The following CENPK variants were observed in gnomAD, a reference collection of about 807,000 sequenced individuals.
The protein encoded by CENPK is centromere protein K.
Under a neutral mutation model 40.9 loss-of-function variants are expected in CENPK, and 46 were observed. The observed-to-expected ratio is 1.13, with a 90% CI of 0.89 to 1.44. The LOEUF (loss-of-function observed/expected upper bound fraction) is 1.44, where lower values mean the gene tolerates loss of function less well. Among genes scored for constraint, CENPK ranks in the 40% most tolerant of loss-of-function variants. The probability of loss-of-function intolerance (pLI) is 0.00; values close to 1 mark genes in which losing one functional copy is unlikely to be tolerated. For synonymous variants in CENPK, 107 were observed against 104.4 expected, an observed-to-expected ratio of 1.02 and a Z score of -0.15; for missense variants, 288 against 303.5, an observed-to-expected ratio of 0.95 and a Z score of 0.38.
intron 5 of CENPK, among the ~76,000 whole-genome samples, chr5:65,547,350 AC>A (rs971965519): frequency 1.3e-5 from 2 of 149,932 alleles, no homozygotes; most frequent in Non-Finnish European, 3.0e-5. Flanking sequence ...CCGAGATTGC[AC>A]CACTGCACTC....
chr5:65,504,090 A>G, the CENPK span, among the ~76,000 whole-genome samples: 4 of 152,110 alleles, frequency 2.6e-5, no homozygotes, highest in Admixed American at 1.3e-4. Context: ...TCCACAGTCA[A>G]AGAACAACCA....
chr5:65,542,570 G>A (rs903484472), intron 6 of CENPK, among the ~76,000 whole-genome samples: 1 of 152,132 alleles, frequency 6.6e-6, no homozygotes, highest in Middle Eastern at 3.4e-3. Flanking sequence ...CTGGGAGGCA[G>A]AGGTTACAGT....
At chr5:65,514,242 TTTTTTTTTTTTTTTTTTTTAG>T (rs1164982553), downstream of CENPK, among the ~76,000 whole-genome samples, 94 of 11,828 alleles carry the variant, frequency 7.9e-3, no homozygotes, top group African/African-American at 0.019. Flanking sequence ...TTTTTTTTTT[TTTTTTTTTTTTTTTTTTTTAG>T]TTTTTTTTAG....
At chr5:65,514,662 G>A (rs565453179), downstream of CENPK, among the ~76,000 whole-genome samples, 4 of 152,256 alleles carry the variant, frequency 2.6e-5, no homozygotes, top group Non-Finnish European at 2.9e-5. Flanking sequence ...CTTTCTCTTT[G>A]AATGGTAGAA....
At chr5:65,508,552 A>T in the CENPK span, among the ~76,000 whole-genome samples, 1 of 152,234 alleles carries the variant, frequency 6.6e-6, no homozygotes, top group Non-Finnish European at 1.5e-5. Flanking sequence ...TGAGAGGCTG[A>T]GGCGGGTGGA....
At chr5:65,530,424 AG>A (rs1745576566) in intron 6 of CENPK, among the ~76,000 whole-genome samples, 4 of 152,236 alleles carry the variant, frequency 2.6e-5, no homozygotes, top group Admixed American at 2.6e-4. Flanking sequence ...AAGAAGACAA[AG>A]GAAAACATTA....
At chr5:65,536,935 T>G (rs545246305) in intron 6 of CENPK, among the ~76,000 whole-genome samples, 146 of 152,296 alleles carry the variant, frequency 9.6e-4, no homozygotes, top group African/African-American at 3.3e-3. Context: ...CCTCATGAAG[T>G]GATTAATGCC....
downstream of CENPK, among the ~76,000 whole-genome samples, chr5:65,513,971 T>G (rs1300898923): frequency 6.6e-6 from 1 of 152,204 alleles, no homozygotes; most frequent in Non-Finnish European, 1.5e-5. Context: ...TGTATTGATA[T>G]GATCATGACC....
At chr5:65,523,067 T>C (rs2150349132) in intron 9 of CENPK, among the ~76,000 whole-genome samples, 2 of 152,366 alleles carry the variant, frequency 1.3e-5, no homozygotes, top group African/African-American at 4.8e-5. Flanking sequence ...ATGTATGTAA[T>C]GTATTCTGTA....
chr5:65,499,667 AT>A, the CENPK span, among the ~76,000 whole-genome samples: 53,701 of 108,632 alleles, frequency 0.49, 10,788 homozygotes, highest in African/African-American at 0.59. Context: ...TTTTTTTTTA[AT>A]TTTTTTTTTT....
At chr5:65,499,680 T>A in the CENPK span, among the ~76,000 whole-genome samples, 7 of 111,584 alleles carry the variant, frequency 6.3e-5, no homozygotes, top group South Asian at 2.8e-4. Flanking sequence ...TTTTTTTTTT[T>A]ATTATACTCT....
intron 6 of CENPK, among the ~76,000 whole-genome samples, chr5:65,537,957 TAG>T (rs944994043): frequency 2.6e-5 from 4 of 152,218 alleles, no homozygotes; most frequent in Admixed American, 6.5e-5. Context: ...TGCTGCGACA[TAG>T]AGTTACTCTT....
chr5:65,512,176 A>T, the CENPK span, among the ~76,000 whole-genome samples: 3 of 152,220 alleles, frequency 2.0e-5, no homozygotes, highest in Non-Finnish European at 4.4e-5. Context: ...CCCATGGATG[A>T]GCAAAAAATG....
intron 6 of CENPK, among the ~76,000 whole-genome samples, chr5:65,538,777 C>A (rs1054843536): frequency 3.9e-5 from 6 of 152,154 alleles, no homozygotes; most frequent in Admixed American, 2.0e-4. Flanking sequence ...GAGTCAAGAG[C>A]CTCACTAGTT....
At chr5:65,509,331 A>G in the CENPK span, among the ~76,000 whole-genome samples, 2 of 152,156 alleles carry the variant, frequency 1.3e-5, no homozygotes, top group East Asian at 1.9e-4. Flanking sequence ...GCAACCACTG[A>G]TATTTTTCCC....
chr5:65,559,595 C>G (rs935117569), intron 2 of CENPK, among the ~76,000 whole-genome samples: 1 of 144,318 alleles, frequency 6.9e-6, no homozygotes, highest in African/African-American at 2.6e-5. Flanking sequence ...CGCCACTGCA[C>G]TCCAGCCTGG....
intron 10 of CENPK, 125 bp from the exon 11 acceptor site, chr5:65,518,758 T>A: frequency 1.7e-6 from 1 of 603,048 alleles, no homozygotes; most frequent in Non-Finnish European, 2.8e-6. Flanking sequence ...ACTTTTAATC[T>A]ACAAATTTGA....
chr5:65,560,897 C>A (rs1031896553), intron 2 of CENPK: 1 of 152,022 alleles, frequency 6.6e-6, no homozygotes, highest in Non-Finnish European at 1.5e-5. Context: ...TGTTTACTGG[C>A]ACATTACTTA....
At chr5:65,534,655 C>T (rs1746546454) in intron 6 of CENPK, among the ~76,000 whole-genome samples, 1 of 152,160 alleles carries the variant, frequency 6.6e-6, no homozygotes, top group Admixed American at 6.5e-5. Flanking sequence ...TCAACAAATA[C>T]CGCTGGAACA....
Sources: allele counts gnomAD v4.1 joint callset (sites outside exome capture counted in the v4.1 genomes callset), GRCh38; gene constraint gnomAD v4.1.1; transcripts MANE v1.5; gene names NCBI Gene and HGNC (gene_info 2026-07-23, HGNC 2026-07-21).